PUS7: variants seen among roughly 807,000 people sequenced by gnomAD.
PUS7 encodes the protein pseudouridylate synthase 7 homolog.
PUS7 carries 48 observed loss-of-function variants against 79.8 expected under a neutral mutation model. The observed-to-expected ratio is 0.60, with a 90% CI of 0.48 to 0.76. The LOEUF is 0.76. Ranked by LOEUF, PUS7 falls within the 30% of genes least tolerant of loss-of-function variation. The probability of loss-of-function intolerance (pLI) is 0.00; values close to 1 mark genes in which losing one functional copy is unlikely to be tolerated. For missense variants in PUS7, 729 were observed against 797.6 expected (o/e 0.91, Z 1.04); for synonymous variants, 286 against 272.2 (o/e 1.05, Z -0.50).
rs758220629 is a variant in PUS7 at position 105,482,431 on chromosome 7, T to G, written c.930A>C (p.Ala310=). 8 of 1,591,304 alleles carry G rather than the reference T, an allele frequency of 5.0e-6. No homozygotes were observed. The highest frequency in any genetic ancestry group is 4.6e-5 in the South Asian group (4 of 87,282). The change falls in exon 8 of 16, where the codon GCA becomes GCC. Residue 310 remains alanine, a synonymous_variant. Coordinates refer to ENST00000469408, the MANE Select transcript of PUS7 (RefSeq NM_019042.5). ...ACTTATTCAGGTGGGCAAGTCTTTG[T>G]GCAGTTATTCTTTAAAAAAAAAAAA... is the stretch of plus-strand genomic sequence containing the variant. ...VQEIAVLKIT[A]QRLAHLNKCL...
intron 6 of PUS7, among the ~76,000 whole-genome samples, 165 bp from the exon 7 acceptor site, chr7:105,491,782 C>T (rs138121825): frequency 3.9e-5 from 6 of 152,218 alleles, no homozygotes; most frequent in East Asian, 1.9e-4. Context: ...GGAGGCTGGG[C>T]GCAGTGGCTC....
intron 14 of PUS7, chr7:105,462,117 G>C (rs1823454993): frequency 7.4e-6 from 1 of 135,076 alleles, no homozygotes; most frequent in South Asian, 2.5e-4. Context: ...AAGAAAAGAA[G>C]ATAAAAGAGA....
chr7:105,475,488 T>C (rs1313483545), intron 9 of PUS7, among the ~76,000 whole-genome samples: 1 of 150,688 alleles, frequency 6.6e-6, no homozygotes, highest in Admixed American at 6.6e-5. Context: ...CCAGGCCATT[T>C]TTTTTGTATT....
intron 2 of PUS7, among the ~76,000 whole-genome samples, chr7:105,506,676 G>A (rs1825477325): frequency 6.6e-6 from 1 of 152,008 alleles, no homozygotes. Flanking sequence ...GCCCATCTTG[G>A]CCTCCCAAAG....
intron 5 of PUS7, among the ~76,000 whole-genome samples, chr7:105,495,908 C>G (rs1824993646): frequency 6.6e-6 from 1 of 151,762 alleles, no homozygotes; most frequent in Non-Finnish European, 1.5e-5. Flanking sequence ...CACTGTAATC[C>G]CAGCACTTTG....
intron 15 of PUS7, among the ~76,000 whole-genome samples, chr7:105,458,571 A>AT (rs1184288709): frequency 0.014 from 1,717 of 124,896 alleles, 37 homozygotes; most frequent in African/African-American, 0.037. Flanking sequence ...CCAGCCACCA[A>AT]TTTTTTTTTT....
chr7:105,510,491 C>G (rs144516760), intron 1 of PUS7, among the ~76,000 whole-genome samples: 1 of 152,098 alleles, frequency 6.6e-6, no homozygotes, highest in Non-Finnish European at 1.5e-5. Context: ...CTCTACTGAA[C>G]TGTACACGTG....
At chr7:105,481,584 T>C (rs1824321538) in intron 8 of PUS7, among the ~76,000 whole-genome samples, 1 of 152,140 alleles carries the variant, frequency 6.6e-6, no homozygotes, top group Non-Finnish European at 1.5e-5. Flanking sequence ...TCCCAAATTT[T>C]TTCCCGTTTC....
chr7:105,469,964 C>T (rs1438003097), intron 11 of PUS7, among the ~76,000 whole-genome samples: 2 of 152,296 alleles, frequency 1.3e-5, no homozygotes, highest in African/African-American at 4.8e-5. Flanking sequence ...GCATGTGGCC[C>T]GCAGGCTGCA....
intron 1 of PUS7, among the ~76,000 whole-genome samples, chr7:105,514,796 A>ATTTTTTTTTTTTTTT (rs1461495782): frequency 6.9e-6 from 1 of 145,656 alleles, no homozygotes. Flanking sequence ...ATTCTCTCTC[A>ATTTTTTTTTTTTTTT]TTTTTTTTTT....
chr7:105,500,272 T>G (rs1389811378), intron 5 of PUS7, among the ~76,000 whole-genome samples: 1 of 152,056 alleles, frequency 6.6e-6, no homozygotes, highest in Non-Finnish European at 1.5e-5. Flanking sequence ...ACTTCACTTG[T>G]AAAATCTTAA....
chr7:105,518,347 ATTAAG>A (rs1825973151), intron 1 of PUS7, among the ~76,000 whole-genome samples: 1 of 152,006 alleles, frequency 6.6e-6, no homozygotes, highest in African/African-American at 2.4e-5. Context: ...TATAACAAAA[ATTAAG>A]TTTAGCATTT....
chr7:105,486,950 C>A (rs1005100273), intron 7 of PUS7, among the ~76,000 whole-genome samples: 1 of 151,934 alleles, frequency 6.6e-6, no homozygotes, highest in Non-Finnish European at 1.5e-5. Context: ...ATCCCAGCTA[C>A]TCGGGAGGCT....
chr7:105,475,278 C>T (rs564026928), intron 9 of PUS7, among the ~76,000 whole-genome samples: 17 of 152,218 alleles, frequency 1.1e-4, no homozygotes, highest in African/African-American at 2.2e-4. Flanking sequence ...CTCCGCCTCC[C>T]GGGTTCACGC....
chr7:105,473,559 C>T (rs1375255445), intron 9 of PUS7, among the ~76,000 whole-genome samples: 1 of 152,124 alleles, frequency 6.6e-6, no homozygotes, highest in East Asian at 1.9e-4. Context: ...GCTGAGATTA[C>T]AGGCTTGCGC....
chr7:105,460,778 C>T (rs1049139964), intron 14 of PUS7, among the ~76,000 whole-genome samples: 2 of 127,364 alleles, frequency 1.6e-5, no homozygotes, highest in Non-Finnish European at 3.1e-5. Flanking sequence ...GGCGCGAACC[C>T]GGGAGGCGGA....
intron 1 of PUS7, among the ~76,000 whole-genome samples, chr7:105,510,641 G>A (rs1350488963): frequency 6.6e-6 from 1 of 151,980 alleles, no homozygotes; most frequent in Non-Finnish European, 1.5e-5. Flanking sequence ...AGCCTCCCGG[G>A]TGGCTGGGAT....
At chr7:105,474,810 CT>C (rs1353052346) in intron 9 of PUS7, among the ~76,000 whole-genome samples, 1 of 151,708 alleles carries the variant, frequency 6.6e-6, no homozygotes, top group African/African-American at 2.4e-5. Context: ...ACAAAAAAAC[CT>C]TTGTTAAATA....
At chr7:105,498,178 ATTCTTT>A (rs767275437) in intron 5 of PUS7, among the ~76,000 whole-genome samples, 9 of 152,232 alleles carry the variant, frequency 5.9e-5, no homozygotes, top group Non-Finnish European at 8.8e-5. Flanking sequence ...ACAAGTATGC[ATTCTTT>A]TTCTAAGTAC....
Sources: gnomAD v4.1 joint callset for allele counts (sites outside exome capture counted in the v4.1 genomes callset) on GRCh38, gnomAD v4.1.1 for gene constraint, MANE v1.5 for transcripts, NCBI Gene and HGNC (gene_info 2026-07-23, HGNC 2026-07-21) for gene names.